The following INTS4 variants were observed in gnomAD, a reference collection of about 807,000 sequenced individuals.
The protein encoded by INTS4 is MSTP093.
Under a neutral mutation model 119.5 loss-of-function variants are expected in INTS4, and 70 were observed. That is an observed-to-expected ratio of 0.59 (90% CI 0.48 to 0.71). The LOEUF (loss-of-function observed/expected upper bound fraction) is 0.71. INTS4 is among the 30% of genes least tolerant of loss of function. The pLI, the probability that INTS4 is intolerant of heterozygous loss-of-function variation, is 0.00. For synonymous variants in INTS4, 316 were observed against 419.6 expected, an observed-to-expected ratio of 0.75 and a Z score of 3.02; for missense variants, 867 against 1,173.2, an observed-to-expected ratio of 0.74 and a Z score of 3.81.
intron 16 of INTS4, among the ~76,000 whole-genome samples, chr11:77,904,172 C>T (rs1414961101): frequency 6.6e-6 from 1 of 152,184 alleles, no homozygotes; most frequent in Non-Finnish European, 1.5e-5. Context: ...CTCTCCTCAC[C>T]TATCCATCCA....
At chr11:77,930,338 G>T (rs1475096488) in intron 10 of INTS4, among the ~76,000 whole-genome samples, 1 of 152,162 alleles carries the variant, frequency 6.6e-6, no homozygotes, top group Admixed American at 6.6e-5. Context: ...GTTTTTCTTG[G>T]TAGTTATGAA....
intron 2 of INTS4, among the ~76,000 whole-genome samples, chr11:77,983,725 G>A (rs1009873000): frequency 5.3e-5 from 8 of 152,138 alleles, no homozygotes; most frequent in African/African-American, 1.7e-4. Context: ...GTGACCTGCT[G>A]GTGGGGATGT....
chr11:77,981,807 G>A (rs1475571103), intron 2 of INTS4, among the ~76,000 whole-genome samples: 1 of 151,692 alleles, frequency 6.6e-6, no homozygotes, highest in Non-Finnish European at 1.5e-5. Context: ...CTGTTGCCCA[G>A]CCTGGAGTGC....
chr11:77,893,939 C>T (rs1311765468), intron 19 of INTS4, among the ~76,000 whole-genome samples: 4 of 105,754 alleles, frequency 3.8e-5, no homozygotes, highest in Non-Finnish European at 8.2e-5. Flanking sequence ...ATGGTGTGAA[C>T]GAACAGTGTT....
intron 4 of INTS4, among the ~76,000 whole-genome samples, chr11:77,971,251 T>G (rs1225370429): frequency 2.0e-5 from 3 of 152,228 alleles, no homozygotes; most frequent in African/African-American, 7.2e-5. Context: ...CATGTTAGTT[T>G]AATACTTTTT....
rs1391671791 is a variant in INTS4 at position 77,994,619 on chromosome 11, C to T, written c.25G>A (p.Val9Ile). ...ACCACTTTCGTGAATTCCTCATAAACCCGCTTCTTAAGGTGCGCCGCCATG... is the reference window on the plus strand; with the variant it reads ...ACCACTTTCGTGAATTCCTCATAAATCCGCTTCTTAAGGTGCGCCGCCATG... The part of the protein sequence containing the change: MAAHLKKR[V>I]YEEFTKVVQP... The change falls in exon 1 of 23, where the codon GTT becomes ATT. Residue 9 changes from valine (V) to isoleucine (I), a missense_variant. Val to Ile is a conservative substitution (Grantham distance 29). Coordinates refer to ENST00000534064, the MANE Select transcript of INTS4 (RefSeq NM_033547.4). The T allele has an allele frequency of 6.2e-7, 1 of 1,614,182 alleles. No individual in the cohort carries two copies. The highest frequency in any genetic ancestry group is 8.5e-7 in the Non-Finnish European group (1 of 1,179,990).
At chr11:77,917,318 TC>T (rs1482616924) in intron 15 of INTS4, among the ~76,000 whole-genome samples, 2 of 146,104 alleles carry the variant, frequency 1.4e-5, no homozygotes, top group Non-Finnish European at 1.5e-5. Context: ...TTTCCTTCTT[TC>T]TTTTTTTTTT....
intron 4 of INTS4, among the ~76,000 whole-genome samples, chr11:77,965,859 A>G (rs1855482496): frequency 6.6e-6 from 1 of 152,240 alleles, no homozygotes; most frequent in African/African-American, 2.4e-5. Context: ...GGATGACTAG[A>G]TCACATGCTA....
Position 77,958,795 on chromosome 11 carries a change from T to C in INTS4, c.748A>G (p.Ser250Gly). Residue 250 changes from serine to glycine, a missense_variant, in exon 7 of 23, where the codon AGT becomes GGT. Around this residue, in one of 5 missense-constraint regions of INTS4, gnomAD observed 208 missense variants for 306.6 expected, o/e 0.68. Transcript: ENST00000534064. ...ACCCAGATAAGCTGGACTGCAGCAC[T>C]GCGCACTTGTTCATAGTCATCAGAG... ...LLSDDYEQVR[S>G]AAVQLIWVVS... The C allele has an allele frequency of 6.2e-7, 1 of 1,610,986 alleles. No individual in the cohort carries two copies. The highest frequency in any genetic ancestry group is 1.3e-5 in the African/African-American group (1 of 74,962).
chr11:77,921,281 C>G, intron 14 of INTS4, 59 bp downstream of exon 14: 1 of 1,569,318 alleles, frequency 6.4e-7, no homozygotes, highest in South Asian at 1.1e-5. Flanking sequence ...AAAACATGAA[C>G]AAAAATAACC....
chr11:77,922,950 A>G lies in INTS4; in HGVS notation c.1515-479T>C, dbSNP rs555614133. On this transcript the variant is annotated intron_variant, in intron 12 of 22. Coordinates refer to ENST00000534064, the MANE Select transcript of INTS4 (RefSeq NM_033547.4). ...CAGGGATGTTTTTGCAAATCAAAAG[A>G]GCAATGCATGAAAGGGAATGACCCT... The G allele has an allele frequency of 2.0e-5, 4 of 197,490 alleles. No homozygotes were observed. The Admixed American group carries it at 2.1e-4, about 11-fold the overall frequency. The allele number at this position is 197,490 out of a possible 1,614,324, so 12.2% of individuals were successfully genotyped here.
chr11:77,994,622 G>A lies in INTS4; in HGVS notation c.22C>T (p.Arg8Trp). 1 of 1,614,054 alleles carries A rather than the reference G, an allele frequency of 6.2e-7. No homozygotes were observed. The highest frequency in any genetic ancestry group is 8.5e-7 in the Non-Finnish European group (1 of 1,179,944). ...ACTTTCGTGAATTCCTCATAAACCC[G>A]CTTCTTAAGGTGCGCCGCCATGCCT... Reference protein sequence around the residue: MAAHLKKRVYEEFTKVVQ... With the variant: MAAHLKKWVYEEFTKVVQ... Residue 8 changes from arginine to tryptophan, a missense_variant, in exon 1 of 23, where the codon CGG becomes TGG. Arg to Trp is a moderately radical substitution (Grantham distance 101). Around this residue, in one of 5 missense-constraint regions of INTS4, gnomAD observed 224 missense variants for 231.8 expected, o/e 0.97. Transcript: ENST00000534064.
At chr11:77,953,755 T>C (rs1954251728) in intron 8 of INTS4, among the ~76,000 whole-genome samples, 1 of 152,184 alleles carries the variant, frequency 6.6e-6, no homozygotes. Context: ...GGCTAGTTTT[T>C]GTATTTTTAG....
chr11:77,885,709 C>G (rs909904583), intron 21 of INTS4, among the ~76,000 whole-genome samples: 2 of 151,854 alleles, frequency 1.3e-5, no homozygotes, highest in African/African-American at 4.8e-5. Context: ...GTCCCAGCTA[C>G]TTGGGAGGCT....
At chr11:77,941,280 A>C in intron 8 of INTS4, 29 bp from the exon 9 acceptor site, 2 of 1,588,460 alleles carry the variant, frequency 1.3e-6, no homozygotes, top group Middle Eastern at 1.7e-4. Context: ...AGAGCATATA[A>C]AACAACTTTT....
intron 11 of INTS4, 73 bp downstream of exon 11, chr11:77,928,269 C>A: frequency 2.0e-6 from 3 of 1,505,936 alleles, no homozygotes; most frequent in South Asian, 2.3e-5. Flanking sequence ...GTCACCAATG[C>A]CTAGCACAAT....
chr11:77,912,234 C>A (rs1209492819), intron 15 of INTS4, among the ~76,000 whole-genome samples: 1 of 151,986 alleles, frequency 6.6e-6, no homozygotes, highest in Non-Finnish European at 1.5e-5. Flanking sequence ...TGGTGGAGTG[C>A]GCCTGTAGTC....
intron 2 of INTS4, among the ~76,000 whole-genome samples, chr11:77,990,891 C>A (rs1856656189): frequency 6.6e-6 from 1 of 152,092 alleles, no homozygotes; most frequent in African/African-American, 2.4e-5. Context: ...TGCACCTTAT[C>A]ATTGACATGT....
chr11:77,878,388 G>C (rs1345729638), downstream of INTS4, among the ~76,000 whole-genome samples: 2 of 151,456 alleles, frequency 1.3e-5, no homozygotes, highest in Admixed American at 1.3e-4. Flanking sequence ...TTTCCTCAAA[G>C]ATGAAAATGA....
Sources: gnomAD v4.1 joint callset for allele counts (sites outside exome capture counted in the v4.1 genomes callset) on GRCh38, gnomAD v4.1.1 for gene constraint, gnomAD v4.1.1 regional missense constraint, MANE v1.5 for transcripts, NCBI Gene and HGNC (gene_info 2026-07-23, HGNC 2026-07-21) for gene names.